The following PCDHA4 variants were observed in gnomAD, a reference collection of about 807,000 sequenced individuals.
PCDHA4 encodes protocadherin alpha-4.
A neutral mutation model predicts 61.4 loss-of-function variants in PCDHA4; 49 were observed. The ratio of observed to expected loss-of-function variants is 0.80; its 90% CI spans 0.63 to 1.01. The LOEUF is 1.01. Among genes scored for constraint, PCDHA4 ranks in the 50% least tolerant of loss-of-function variants. PCDHA4 has a pLI of 0.00. For synonymous variants in PCDHA4, 590 were observed against 550.3 expected (o/e 1.07, Z -1.01); for missense variants, 1,254 against 1,235.8 (o/e 1.01, Z -0.22).
At chr5:140,869,377 C>A (rs1055077118) in intron 1 of PCDHA4, 2 of 1,614,110 alleles carry the variant, frequency 1.2e-6, no homozygotes, top group Non-Finnish European at 8.5e-7. Context: ...TCGGATCGAC[C>A]GCGAGGAGCT....
At chr5:140,902,669 T>C (rs767769713) in intron 1 of PCDHA4, among the ~76,000 whole-genome samples, 1 of 152,166 alleles carries the variant, frequency 6.6e-6, no homozygotes, top group Non-Finnish European at 1.5e-5. Flanking sequence ...ACCCAAGCAG[T>C]GTACACCGTA....
intron 1 of PCDHA4, among the ~76,000 whole-genome samples, chr5:140,948,438 G>A (rs2094254732): frequency 6.6e-6 from 1 of 151,474 alleles, no homozygotes; most frequent in South Asian, 2.1e-4. Context: ...GAAACATTCT[G>A]TGCCAGGGAT....
chr5:140,835,739 C>A (rs185499663), intron 1 of PCDHA4: 15 of 1,613,474 alleles, frequency 9.3e-6, no homozygotes, highest in Non-Finnish European at 1.3e-5. Flanking sequence ...ACGACAACGC[C>A]CCGGCGTTCG....
intron 1 of PCDHA4, chr5:140,856,061 T>A (rs782207999): frequency 1.3e-6 from 2 of 1,588,972 alleles, no homozygotes; most frequent in Non-Finnish European, 8.6e-7. Context: ...GGTTTCCAGA[T>A]GTAGCTGCCT....
At chr5:140,970,009 A>G (rs2096376687) in intron 1 of PCDHA4, among the ~76,000 whole-genome samples, 2 of 152,174 alleles carry the variant, frequency 1.3e-5, no homozygotes, top group African/African-American at 4.8e-5. Flanking sequence ...GGAGTGGATG[A>G]TGGTGAGGCA....
Position 140,807,234 on chromosome 5 carries a change from TCTTA to T in PCDHA4, c.51_54del (p.Leu17PhefsTer60), listed in dbSNP as rs782378841. The T allele has an allele frequency of 1.1e-5, 18 of 1,614,094 alleles. No individual in the cohort carries two copies. The highest frequency in any genetic ancestry group is 2.7e-5 in the African/African-American group (2 of 74,942). Reference sequence around the variant, plus strand: ...GGCCAGGAATCCCGGCGTCTGCTGCTCTTACTTCTTCTCCTCGCAGCCTGGGAGG... The same window carrying T: ...GGCCAGGAATCCCGGCGTCTGCTGCTCTTCTTCTCCTCGCAGCCTGGGAGG... On this transcript the variant is annotated frameshift_variant, in exon 1 of 4. Coordinates refer to ENST00000530339, the MANE Select transcript of PCDHA4 (RefSeq NM_018907.4). LOFTEE classifies it high-confidence loss of function.
At chr5:140,998,347 T>C (rs2097807005) in intron 3 of PCDHA4, among the ~76,000 whole-genome samples, 1 of 152,202 alleles carries the variant, frequency 6.6e-6, no homozygotes, top group Non-Finnish European at 1.5e-5. Context: ...TCTGAGTCTG[T>C]GCTCTTAACC....
chr5:140,928,226 T>G, intron 1 of PCDHA4: 1 of 1,614,178 alleles, frequency 6.2e-7, no homozygotes, highest in African/African-American at 1.3e-5. Context: ...ACACCAAACT[T>G]TCCTCAACCC....
At chr5:140,841,883 G>T in intron 1 of PCDHA4, 1 of 1,613,836 alleles carries the variant, frequency 6.2e-7, no homozygotes, top group East Asian at 2.2e-5. Context: ...AAAGAACGAT[G>T]AGAATAAACT....
At chr5:140,917,301 G>T (rs2078005324) in intron 1 of PCDHA4, among the ~76,000 whole-genome samples, 1 of 138,576 alleles carries the variant, frequency 7.2e-6, no homozygotes, top group Non-Finnish European at 1.5e-5. Flanking sequence ...GCAGATAGTT[G>T]TTACAATTTG....
Position 140,877,369 on chromosome 5 carries a change from A to C in PCDHA4, c.2385+67797A>C, listed in dbSNP as rs201135340. 6.4e-5 allele frequency: 103 copies of C among 1,614,000 alleles called. No homozygotes were observed. The African/African-American group carries it at 1.3e-3, about 20-fold the overall frequency. ...GGGGCTGTACACTGGCGAGATCAGC[A>C]CGACACGCATCCTGGATGAGGCGGA... On this transcript the variant is annotated intron_variant, in intron 1 of 3. Transcript: ENST00000530339.
At chr5:140,880,214 A>C (rs2058267657) in intron 1 of PCDHA4, among the ~76,000 whole-genome samples, 1 of 152,224 alleles carries the variant, frequency 6.6e-6, no homozygotes, top group African/African-American at 2.4e-5. Flanking sequence ...TTCCACCAGA[A>C]GTAGAACATT....
chr5:140,863,653 T>C (rs2048107718), intron 1 of PCDHA4: 1 of 297,060 alleles, frequency 3.4e-6, no homozygotes, highest in Admixed American at 4.5e-5. Flanking sequence ...ATTAATTTGA[T>C]TGCTTTATTT....
At chr5:140,865,669 A>G (rs546524670) in intron 1 of PCDHA4, 4 of 152,306 alleles carry the variant, frequency 2.6e-5, no homozygotes, top group African/African-American at 9.6e-5. Flanking sequence ...ACTTATAACA[A>G]TTTCTAAAGT....
At chr5:140,920,868 T>C (rs1248971730) in intron 1 of PCDHA4, among the ~76,000 whole-genome samples, 4 of 149,716 alleles carry the variant, frequency 2.7e-5, no homozygotes, top group Non-Finnish European at 1.5e-5. Context: ...ACAAACAAAC[T>C]GTGGCCCTTA....
chr5:140,875,537 C>A, intron 1 of PCDHA4: 1 of 1,614,130 alleles, frequency 6.2e-7, no homozygotes, highest in South Asian at 1.1e-5. Context: ...CTGCTCCTTG[C>A]AGCCTGGGAG....
intron 1 of PCDHA4, among the ~76,000 whole-genome samples, chr5:140,969,883 A>G (rs1161815776): frequency 6.6e-6 from 1 of 152,204 alleles, no homozygotes; most frequent in African/African-American, 2.4e-5. Flanking sequence ...ATGTGATAGG[A>G]TCCTCTGGAA....
At position 140,968,158 on chromosome 5, in the gene PCDHA4, C is replaced by T. The variant is rs191279827; in HGVS notation, c.2386-10791C>T. The T allele has an allele frequency of 3.7e-6, 6 of 1,614,124 alleles. No individual in the cohort carries two copies. The African/African-American group carries it at 4.0e-5, about 11-fold the overall frequency. On this transcript the variant is annotated intron_variant, in intron 1 of 3. Transcript: ENST00000530339. ...AGGTTGAGATCTCTGACATCAATGA[C>T]AATCCACCAAGCTTCCTGGAGGACT...
intron 1 of PCDHA4, among the ~76,000 whole-genome samples, chr5:140,894,494 T>C (rs1412845995): frequency 6.6e-6 from 1 of 151,992 alleles, no homozygotes; most frequent in Non-Finnish European, 1.5e-5. Flanking sequence ...TAGTTTTCTT[T>C]AGGCATTATC....
Sources: gnomAD v4.1 joint callset for allele counts (sites outside exome capture counted in the v4.1 genomes callset) on GRCh38, gnomAD v4.1.1 for gene constraint, MANE v1.5 for transcripts, NCBI Gene and HGNC (gene_info 2026-07-23, HGNC 2026-07-21) for gene names.